IRAK1BP1: variants seen among roughly 807,000 people sequenced by gnomAD.
IRAK1BP1 encodes the protein interleukin 1 receptor associated kinase 1 binding protein 1, also known as interleukin-1 receptor-associated kinase 1-binding protein 1.
IRAK1BP1 carries 24 observed loss-of-function variants against 28.0 expected under a neutral mutation model. That is an observed-to-expected ratio of 0.86 (90% confidence interval 0.62 to 1.20). The LOEUF is 1.20. Among genes scored for constraint, IRAK1BP1 ranks in the 50% most tolerant of loss-of-function variants. The probability of loss-of-function intolerance (pLI) is 0.00; values close to 1 mark genes in which losing one functional copy is unlikely to be tolerated. For missense variants in IRAK1BP1, 336 were observed against 316.7 expected (o/e 1.06, Z -0.46); for synonymous variants, 131 against 116.3 (o/e 1.13, Z -0.81).
intron 4 of IRAK1BP1, among the ~76,000 whole-genome samples, chr6:78,944,314 T>C (rs1773683465): frequency 6.6e-6 from 1 of 152,160 alleles, no homozygotes; most frequent in African/African-American, 2.4e-5. Flanking sequence ...AAGGAAGTGT[T>C]TTCTCTGTGT....
chr6:78,968,302 G>A, the IRAK1BP1 span, among the ~76,000 whole-genome samples: 4 of 152,180 alleles, frequency 2.6e-5, no homozygotes, highest in Non-Finnish European at 4.4e-5. Context: ...TTGACAGTAA[G>A]TATCAGAGTT....
chr6:78,919,620 C>A (rs530909504), intron 4 of IRAK1BP1, among the ~76,000 whole-genome samples: 1 of 152,218 alleles, frequency 6.6e-6, no homozygotes, highest in East Asian at 1.9e-4. Flanking sequence ...CCTGGAAATA[C>A]AACCTCCCAA....
chr6:78,947,561 A>G, downstream of IRAK1BP1: 1 of 752,254 alleles, frequency 1.3e-6, no homozygotes, highest in Non-Finnish European at 2.1e-6. Context: ...AGCAACATTT[A>G]GTCATTTAAC....
At chr6:78,937,126 C>T (rs1280474763) in intron 4 of IRAK1BP1, 5 of 151,724 alleles carry the variant, frequency 3.3e-5, no homozygotes, top group African/African-American at 9.7e-5. Context: ...GTCCTTTAAT[C>T]ACTCAAGTAT....
At chr6:78,903,175 T>C, downstream of IRAK1BP1, 2 of 867,118 alleles carry the variant, frequency 2.3e-6, no homozygotes, top group South Asian at 1.7e-5. Flanking sequence ...TATTCTTTGC[T>C]ACATAGGGTT....
the IRAK1BP1 span, among the ~76,000 whole-genome samples, chr6:78,972,779 C>T: frequency 7.3e-5 from 11 of 151,724 alleles, no homozygotes; most frequent in African/African-American, 2.7e-4. Context: ...AGGGTATCAG[C>T]AATGGAAGAT....
At chr6:78,874,581 A>G (rs925023640) in intron 1 of IRAK1BP1, among the ~76,000 whole-genome samples, 1 of 152,140 alleles carries the variant, frequency 6.6e-6, no homozygotes, top group Non-Finnish European at 1.5e-5. Context: ...TACTCTTCTG[A>G]AAAAAATTCC....
chr6:78,966,138 A>C, the IRAK1BP1 span: 2 of 824,626 alleles, frequency 2.4e-6, no homozygotes, highest in South Asian at 1.4e-5. Flanking sequence ...ACCTTTAAGT[A>C]CCTAAACTGC....
chr6:78,909,358 T>A (rs1413914567), intron 4 of IRAK1BP1, among the ~76,000 whole-genome samples: 1 of 152,230 alleles, frequency 6.6e-6, no homozygotes, highest in Non-Finnish European at 1.5e-5. Flanking sequence ...AAGGAGCAGT[T>A]GTATCAGATT....
chr6:78,943,211 A>C (rs954090396), intron 4 of IRAK1BP1, among the ~76,000 whole-genome samples: 7 of 152,154 alleles, frequency 4.6e-5, no homozygotes, highest in Non-Finnish European at 8.8e-5. Context: ...ATTCCACTAG[A>C]CAACACTGCT....
the IRAK1BP1 span, among the ~76,000 whole-genome samples, chr6:78,963,766 T>G: frequency 1.3e-5 from 2 of 152,178 alleles, no homozygotes; most frequent in African/African-American, 4.8e-5. Context: ...TCTTTAACAG[T>G]TTTAGCTGAG....
intron 4 of IRAK1BP1, among the ~76,000 whole-genome samples, chr6:78,917,485 C>T (rs1253454707): frequency 6.6e-6 from 1 of 151,774 alleles, no homozygotes; most frequent in Admixed American, 6.6e-5. Context: ...ATGTGGAAAA[C>T]ATATTTCAAG....
chr6:78,946,456 A>G, downstream of IRAK1BP1: 3 of 1,403,398 alleles, frequency 2.1e-6, no homozygotes, highest in South Asian at 5.0e-5. Context: ...CTAAAGTTAT[A>G]TGACGGAAAG....
chr6:78,893,955 T>C (rs1041579116), intron 2 of IRAK1BP1, among the ~76,000 whole-genome samples: 4 of 152,118 alleles, frequency 2.6e-5, no homozygotes, highest in Non-Finnish European at 5.9e-5. Context: ...ACAGGGATTA[T>C]AACATATGTA....
rs748099050 is a variant in IRAK1BP1, at chr6:78,885,446, A to G, written c.381+3A>G. ...ATGCTTATCACATGGAAGCAGAGGT[A>G]TGTACTTAACAAATAATTGGAAGCA... On this transcript the variant is annotated splice_donor_region_variant and intron_variant, in intron 2 of 3. Coordinates refer to ENST00000369940, the MANE Select transcript of IRAK1BP1 (RefSeq NM_001010844.4). 3 of 1,209,248 alleles carry G rather than the reference A, an allele frequency of 2.5e-6. No individual in the cohort carries two copies. The African/African-American group carries it at 8.9e-5, about 36-fold the overall frequency. The allele number at this position is 1,209,248 out of a possible 1,614,324, so 74.9% of individuals were successfully genotyped here.
At chr6:78,935,046 G>C (rs552549830) in intron 4 of IRAK1BP1, among the ~76,000 whole-genome samples, 1 of 152,088 alleles carries the variant, frequency 6.6e-6, no homozygotes, top group Non-Finnish European at 1.5e-5. Context: ...TCTTACTTCC[G>C]TTAAATACTG....
At chr6:78,954,794 A>T in the IRAK1BP1 span, 1 of 1,540,238 alleles carries the variant, frequency 6.5e-7, no homozygotes, top group Non-Finnish European at 8.7e-7. Context: ...GGTAAAGAAA[A>T]TATTTTCAAA....
chr6:78,902,697 G>T lies in IRAK1BP1; in HGVS notation c.*4363G>T. On this transcript the variant is annotated 3_prime_UTR_variant, in exon 4 of 4. Transcript: ENST00000369940. ...GAAGCAGAAGAAACGCTCGAACCTGGGAGGCAGAGCTTACAGTGAGCCGAG... is the reference window on the plus strand; with the variant it reads ...GAAGCAGAAGAAACGCTCGAACCTGTGAGGCAGAGCTTACAGTGAGCCGAG... The T allele has an allele frequency of 3.8e-6, 1 of 262,634 alleles. No homozygotes were observed. The highest frequency in any genetic ancestry group is 7.2e-6 in the Non-Finnish European group (1 of 139,220). The allele number at this position is 262,634 out of a possible 1,614,324, so 16.3% of individuals were successfully genotyped here.
Position 78,891,465 on chromosome 6 carries a change from T to TA in IRAK1BP1, c.381+6022_381+6023insA, listed in dbSNP as rs988781744. 4.0e-5 allele frequency among the ~76,000 whole-genome samples: 6 copies of TA among 149,490 alleles called. No individual in the cohort carries two copies. The South Asian group carries it at 6.3e-4, about 16-fold the overall frequency. ...TTATAACCTTAGTGTTTAGAGGAATTTTTTTTTTTTTTTGAGACGAAGTCT... is the reference window on the plus strand; with the variant it reads ...TTATAACCTTAGTGTTTAGAGGAATTATTTTTTTTTTTTTGAGACGAAGTCT... On this transcript the variant is annotated intron_variant, in intron 2 of 3. Transcript: ENST00000369940.
Sources: gnomAD v4.1 joint callset for allele counts (sites outside exome capture counted in the v4.1 genomes callset) on GRCh38, gnomAD v4.1.1 for gene constraint, MANE v1.5 for transcripts, NCBI Gene and HGNC (gene_info 2026-07-23, HGNC 2026-07-21) for gene names.